The following WHRN variants were observed in gnomAD, a reference collection of about 807,000 sequenced individuals.
The protein encoded by WHRN is whirlin.
Under a neutral mutation model 68.3 loss-of-function variants are expected in WHRN, and 41 were observed. That is an observed-to-expected ratio of 0.60 (90% CI 0.47 to 0.78). The LOEUF (loss-of-function observed/expected upper bound fraction) is 0.78. Ranked by LOEUF, WHRN falls within the 30% of genes least tolerant of loss-of-function variation. The pLI, the probability that WHRN is intolerant of heterozygous loss-of-function variation, is 0.00. For synonymous variants in WHRN, 560 were observed against 561.3 expected, an observed-to-expected ratio of 1.00 and a Z score of 0.03; for missense variants, 1,243 against 1,244.7, an observed-to-expected ratio of 1.00 and a Z score of 0.02.
chr9:114,416,225 A>G (rs566961790), intron 7 of WHRN, among the ~76,000 whole-genome samples: 160 of 152,318 alleles, frequency 1.1e-3, no homozygotes, highest in African/African-American at 3.8e-3. Flanking sequence ...ATCCAGGTGG[A>G]AAAAGCCTGA....
intron 2 of WHRN, among the ~76,000 whole-genome samples, chr9:114,477,076 C>A (rs555136134): frequency 2.6e-5 from 4 of 152,148 alleles, no homozygotes; most frequent in African/African-American, 9.7e-5. Flanking sequence ...CCCTGGCAAC[C>A]TTGACGCGGC....
chr9:114,470,686 A>T (rs1208106097), intron 2 of WHRN, among the ~76,000 whole-genome samples: 1 of 152,086 alleles, frequency 6.6e-6, no homozygotes, highest in Non-Finnish European at 1.5e-5. Context: ...CTTGATCCCC[A>T]TTCCTGCCAC....
At chr9:114,478,442 G>A (rs1159599086) in intron 2 of WHRN, 111 bp downstream of exon 2, 5 of 1,195,766 alleles carry the variant, frequency 4.2e-6, no homozygotes, top group Non-Finnish European at 5.0e-6. Flanking sequence ...GGAAGACAGA[G>A]CCTGGACAGA....
intron 1 of WHRN, among the ~76,000 whole-genome samples, chr9:114,500,602 C>A (rs1319186682): frequency 2.0e-5 from 3 of 152,138 alleles, no homozygotes; most frequent in African/African-American, 7.2e-5. Flanking sequence ...CATAAGGAAG[C>A]CGTTTAATTT....
chr9:114,459,098 A>C (rs1037254438), intron 3 of WHRN, among the ~76,000 whole-genome samples: 2 of 152,152 alleles, frequency 1.3e-5, no homozygotes, highest in African/African-American at 4.8e-5. Flanking sequence ...TTCATTCTTT[A>C]CCTCATGTAG....
intron 7 of WHRN, among the ~76,000 whole-genome samples, chr9:114,419,188 A>T (rs750057421): frequency 6.6e-6 from 1 of 152,204 alleles, no homozygotes; most frequent in Non-Finnish European, 1.5e-5. Flanking sequence ...CTCACTAGCC[A>T]TGCAACCTTG....
At chr9:114,427,645 A>C (rs1274713508) in intron 3 of WHRN, among the ~76,000 whole-genome samples, 1 of 152,200 alleles carries the variant, frequency 6.6e-6, no homozygotes, top group East Asian at 1.9e-4. Context: ...AGAAGATGGG[A>C]TTACCAGGCT....
intron 7 of WHRN, 53 bp from the exon 8 acceptor site, chr9:114,408,071 C>T (rs1465739337): frequency 1.6e-5 from 23 of 1,469,488 alleles, no homozygotes; most frequent in African/African-American, 5.6e-5. Context: ...GAAGGGAACA[C>T]TGGTTTGTTC....
At chr9:114,451,506 T>C (rs1182354049) in intron 3 of WHRN, among the ~76,000 whole-genome samples, 4 of 152,178 alleles carry the variant, frequency 2.6e-5, no homozygotes, top group Non-Finnish European at 5.9e-5. Flanking sequence ...TTTTATGGCA[T>C]TGTTATTATG....
intron 1 of WHRN, among the ~76,000 whole-genome samples, chr9:114,486,424 A>C (rs1842477580): frequency 6.6e-6 from 1 of 152,200 alleles, no homozygotes; most frequent in African/African-American, 2.4e-5. Context: ...TAAGACTACA[A>C]GACAAGTTCC....
Position 114,478,551 on chromosome 9 carries a change from AC to A in WHRN, c.837+1del, listed in dbSNP as rs749910508. 5 of 1,613,632 alleles carry A rather than the reference AC, an allele frequency of 3.1e-6. No individual in the cohort carries two copies. Among genetic ancestry groups the A allele is most frequent in the Non-Finnish European group, 4.2e-6 (5 of 1,179,894 alleles). ...CTGGCCTCCTTTCCCCACCCCACTC[AC>A]CTTTTTCTCATCCCCTCCTTGCAGG... On this transcript the variant is annotated splice_donor_variant, in intron 2 of 11. Coordinates refer to ENST00000362057, the MANE Select transcript of WHRN (RefSeq NM_015404.4). LOFTEE classifies it high-confidence loss of function.
rs755519779 is a variant in WHRN, at chr9:114,423,375, T to A, written c.1565A>T (p.Tyr522Phe). The change falls in exon 7 of 12, where the codon TAC (tyrosine) becomes TTC (phenylalanine). Residue 522 changes from tyrosine (Y) to phenylalanine (F), a missense_variant. Physicochemically the swap from Tyr to Phe is conservative, Grantham distance 22 (BLOSUM62 3). Coordinates refer to ENST00000362057, the MANE Select transcript of WHRN (RefSeq NM_015404.4). ...GAGDTYSMVS[Y>F]SDTGSSTGSH... ...GCCTGTGGATGAACCCGTGTCACTG[T>A]AGGAGACCATGGAGTAGGTGTCCCC... 1 of 1,614,056 alleles carries A rather than the reference T, an allele frequency of 6.2e-7. No individual in the cohort carries two copies. The highest frequency in any genetic ancestry group is 1.1e-5 in the South Asian group (1 of 91,076).
intron 3 of WHRN, among the ~76,000 whole-genome samples, chr9:114,429,045 C>T (rs1837164211): frequency 6.6e-6 from 1 of 152,114 alleles, no homozygotes; most frequent in South Asian, 2.1e-4. Flanking sequence ...ATTCTCATGC[C>T]TCAGCTTCCT....
rs1840687793 is a variant in WHRN, at chr9:114,466,322, C to T, written c.908G>A (p.Gly303Asp). Residue 303 changes from glycine to aspartate, a missense_variant, in exon 3 of 12, where the codon GGC (glycine) becomes GAC (aspartate). Transcript: ENST00000362057. ...TIRGGAEYGL[G>D]IYITGVDPGS... ...TGGGTCCACGCCAGTGATGTAAATG[C>T]CAAGGCCGTACTCAGCTCCCCCACG... 1 of 1,614,156 alleles carries T rather than the reference C, an allele frequency of 6.2e-7. No homozygotes were observed. The highest frequency in any genetic ancestry group is 8.5e-7 in the Non-Finnish European group (1 of 1,180,044).
Position 114,504,813 on chromosome 9 carries a change from G to A in WHRN, c.-12C>T, listed in dbSNP as rs1348212800. 16 of 1,401,224 alleles carry A rather than the reference G, an allele frequency of 1.1e-5. No homozygotes were observed. Among genetic ancestry groups the A allele is most frequent in the African/African-American group, 4.6e-5 (3 of 65,642 alleles). 86.8% of individuals were successfully genotyped at this position (1,401,224 alleles called of 1,614,324 possible). On this transcript the variant is annotated 5_prime_UTR_variant, in exon 1 of 12. Coordinates refer to ENST00000362057, the MANE Select transcript of WHRN (RefSeq NM_015404.4). ...AGCGGCGCGTTCATCTCCACGCCGA[G>A]GCCCGGCCGGGCTCTGAGCGCGCGG...
At chr9:114,487,187 A>AT (rs1564218576) in intron 1 of WHRN, among the ~76,000 whole-genome samples, 1 of 142,120 alleles carries the variant, frequency 7.0e-6, no homozygotes, top group Admixed American at 7.0e-5. Context: ...ACCAAAAAAA[A>AT]ATTTTTTTTT....
chr9:114,488,414 G>A (rs1467017882), intron 1 of WHRN, among the ~76,000 whole-genome samples: 3 of 152,094 alleles, frequency 2.0e-5, no homozygotes, highest in Admixed American at 6.5e-5. Flanking sequence ...GTCTATGCAC[G>A]GTCACAGAAG....
chr9:114,478,780 A>G lies in WHRN; in HGVS notation c.619-9T>C. On this transcript the variant is annotated splice_polypyrimidine_tract_variant and intron_variant, in intron 1 of 11. Transcript: ENST00000362057. The stretch of plus-strand genomic sequence containing the variant: ...TTGGAGCCCTTCAGAGCCTAGGGAG[A>G]GAGGGATACAAAGGTTAGAGGAAGG... 1.2e-6 allele frequency: 2 copies of G among 1,608,028 alleles called. No homozygotes were observed. Among genetic ancestry groups the G allele is most frequent in the South Asian group, 2.2e-5 (2 of 90,382 alleles).
intron 1 of WHRN, among the ~76,000 whole-genome samples, chr9:114,479,409 G>A (rs116152766): frequency 0.015 from 2,231 of 152,260 alleles, 56 homozygotes; most frequent in African/African-American, 0.048. Flanking sequence ...TCTGCCCAAT[G>A]CACCCTTTCC....
Sources: gnomAD v4.1 joint callset for allele counts (sites outside exome capture counted in the v4.1 genomes callset) on GRCh38, gnomAD v4.1.1 for gene constraint, MANE v1.5 for transcripts, NCBI Gene and HGNC (gene_info 2026-07-23, HGNC 2026-07-21) for gene names.